Variants in STRN observed in about 807,000 individuals in gnomAD.
STRN encodes the protein striatin.
Under a neutral mutation model 96.3 loss-of-function variants are expected in STRN, and 53 were observed. The observed-to-expected ratio is 0.55, with a 90% CI of 0.44 to 0.69. The LOEUF (loss-of-function observed/expected upper bound fraction) is 0.69. Ranked by LOEUF, STRN falls within the 30% of genes least tolerant of loss-of-function variation. The pLI is 0.00. For synonymous variants in STRN, 428 were observed against 355.9 expected, an observed-to-expected ratio of 1.20 and a Z score of -2.28; for missense variants, 987 against 963.9, an observed-to-expected ratio of 1.02 and a Z score of -0.32.
intron 1 of STRN, among the ~76,000 whole-genome samples, chr2:36,931,971 C>A (rs1456752492): frequency 6.6e-6 from 1 of 152,060 alleles, no homozygotes; most frequent in Non-Finnish European, 1.5e-5. Flanking sequence ...TAGGCGCATA[C>A]GACCACATGC....
intron 1 of STRN, among the ~76,000 whole-genome samples, chr2:36,932,715 A>G (rs1204732559): frequency 1.3e-5 from 2 of 152,180 alleles, no homozygotes; most frequent in African/African-American, 4.8e-5. Context: ...TGATCCTTCT[A>G]GATAACATTT....
intron 12 of STRN, among the ~76,000 whole-genome samples, chr2:36,862,740 C>G (rs907299269): frequency 2.8e-5 from 4 of 144,318 alleles, no homozygotes; most frequent in Non-Finnish European, 1.5e-5. Context: ...TGTTTTTATT[C>G]TTTTTTTTTT....
At chr2:36,962,472 A>C (rs1665051017) in intron 1 of STRN, among the ~76,000 whole-genome samples, 1 of 151,896 alleles carries the variant, frequency 6.6e-6, no homozygotes, top group South Asian at 2.1e-4. Context: ...TGAACTCATA[A>C]AGTTCTTTAC....
chr2:36,902,119 T>TA (rs576883688), intron 5 of STRN, among the ~76,000 whole-genome samples: 4 of 152,320 alleles, frequency 2.6e-5, no homozygotes, highest in Admixed American at 2.0e-4. Context: ...TGTTCACACT[T>TA]ACGCTGTCAC....
At position 36,843,283 on chromosome 2, in the gene STRN, A is replaced by C. The variant is rs1667991649; in HGVS notation, c.*6173T>G. ...AGATGCCTTTTAAATTTCATATTGT[A>C]TTGTGGATCCTGATTGGAACAAAAA... On this transcript the variant is annotated 3_prime_UTR_variant, in exon 18 of 18. Transcript: ENST00000263918. Among the ~76,000 whole-genome samples, 1 of 152,176 alleles carries C rather than the reference A, an allele frequency of 6.6e-6. No individual in the cohort carries two copies. The highest frequency in any genetic ancestry group is 2.4e-5 in the African/African-American group (1 of 41,442).
intron 7 of STRN, among the ~76,000 whole-genome samples, chr2:36,888,338 C>CT (rs1572649925): frequency 6.6e-6 from 1 of 152,148 alleles, no homozygotes; most frequent in African/African-American, 2.4e-5. Flanking sequence ...TCGTGTCACC[C>CT]TTCTTGCTCA....
intron 1 of STRN, among the ~76,000 whole-genome samples, chr2:36,925,678 C>T (rs1164965093): frequency 6.6e-6 from 1 of 152,072 alleles, no homozygotes. Flanking sequence ...GAGGCTTAGG[C>T]AGGAGAATTG....
At chr2:36,898,868 G>C (rs1289520221) in intron 6 of STRN, among the ~76,000 whole-genome samples, 4 of 151,936 alleles carry the variant, frequency 2.6e-5, no homozygotes, top group Non-Finnish European at 5.9e-5. Flanking sequence ...AGGAGTAGGA[G>C]GAAGAAGGAA....
intron 1 of STRN, among the ~76,000 whole-genome samples, chr2:36,938,128 A>G (rs1670752925): frequency 6.6e-6 from 1 of 152,172 alleles, no homozygotes; most frequent in Admixed American, 6.6e-5. Context: ...TAGTATAATC[A>G]AAAGTTTAAG....
Position 36,847,605 on chromosome 2 carries a change from C to T in STRN, c.*1851G>A, listed in dbSNP as rs1046286781. ...TTGAGCCTGCTTGTTAACCAAAGCA[C>T]AAAGATGAAATGAAAAGGTAGCTGT... On this transcript the variant is annotated 3_prime_UTR_variant, in exon 18 of 18. Coordinates refer to ENST00000263918, the MANE Select transcript of STRN (RefSeq NM_003162.4). 1.5e-4 allele frequency: 23 copies of T among 152,018 alleles called. 1 individual carries two copies. Among genetic ancestry groups the T allele is most frequent in the Admixed American group, 1.4e-3 (22 of 15,242 alleles). 9.4% of individuals were successfully genotyped at this position (152,018 alleles called of 1,614,324 possible). A position where few individuals can be genotyped will look rare whatever the true frequency, so the allele number is the denominator to read the frequency against.
At chr2:36,960,997 A>C (rs7424096) in intron 1 of STRN, among the ~76,000 whole-genome samples, 35,063 of 151,888 alleles carry the variant, frequency 0.23, 4,269 homozygotes, top group Non-Finnish European at 0.26. Context: ...CCAGGGCTCA[A>C]GCAATCCTCC....
At chr2:36,929,133 T>G (rs188928944) in intron 1 of STRN, among the ~76,000 whole-genome samples, 1 of 152,132 alleles carries the variant, frequency 6.6e-6, no homozygotes, top group Non-Finnish European at 1.5e-5. Context: ...TTTCACAGTA[T>G]AGAAAATTAT....
rs1025855659 is a variant in STRN at position 36,840,482 on chromosome 2, C to G, written c.*8974G>C. 2.0e-5 allele frequency: 3 copies of G among 151,720 alleles called. No homozygotes were observed. Among genetic ancestry groups the G allele is most frequent in the Admixed American group, 1.3e-4 (2 of 15,238 alleles). 9.4% of individuals were successfully genotyped at this position (151,720 alleles called of 1,614,324 possible). A position where few individuals can be genotyped will look rare whatever the true frequency, so the allele number is the denominator to read the frequency against. On this transcript the variant is annotated 3_prime_UTR_variant, in exon 18 of 18. Transcript: ENST00000263918. The stretch of plus-strand genomic sequence containing the variant: ...TCCTCTCCAGTCAAGGTGCAGACCT[C>G]AATCTCAGGATAAGCTCCACAGAAC...
At chr2:36,913,603 C>T (rs1001800567) in intron 3 of STRN, among the ~76,000 whole-genome samples, 4 of 152,176 alleles carry the variant, frequency 2.6e-5, no homozygotes, top group African/African-American at 9.7e-5. Flanking sequence ...ATTGTAATCA[C>T]TTCTTTAACT....
At chr2:36,887,312 A>C (rs367756816) in intron 7 of STRN, among the ~76,000 whole-genome samples, 23 of 148,162 alleles carry the variant, frequency 1.6e-4, no homozygotes, top group African/African-American at 4.0e-4. Context: ...TAAATAAATA[A>C]ATACAAAATT....
chr2:36,878,273 T>A (rs555350697), intron 9 of STRN, among the ~76,000 whole-genome samples: 1 of 152,332 alleles, frequency 6.6e-6, no homozygotes, highest in South Asian at 2.1e-4. Context: ...AAGAATCCAC[T>A]GTCCTTTCCT....
At chr2:36,920,221 A>T (rs1670215399) in intron 2 of STRN, among the ~76,000 whole-genome samples, 1 of 152,238 alleles carries the variant, frequency 6.6e-6, no homozygotes, top group African/African-American at 2.4e-5. Context: ...TTTCCTCAAT[A>T]ATTTTTTTTA....
At chr2:36,913,172 A>T (rs1004502996) in intron 3 of STRN, among the ~76,000 whole-genome samples, 6 of 152,106 alleles carry the variant, frequency 3.9e-5, no homozygotes, top group African/African-American at 1.4e-4. Flanking sequence ...ACTACAGCCC[A>T]CGTAATCCAA....
chr2:36,892,505 T>G (rs551160824), intron 7 of STRN, among the ~76,000 whole-genome samples: 1 of 152,250 alleles, frequency 6.6e-6, no homozygotes, highest in Non-Finnish European at 1.5e-5. Context: ...GTATCTTTTT[T>G]ATTGAGAAGA....
Sources: gnomAD v4.1 joint callset for allele counts (sites outside exome capture counted in the v4.1 genomes callset) on GRCh38, gnomAD v4.1.1 for gene constraint, MANE v1.5 for transcripts, NCBI Gene and HGNC (gene_info 2026-07-23, HGNC 2026-07-21) for gene names.